The following SP140 variants were observed in gnomAD, a reference collection of about 807,000 sequenced individuals.
The protein encoded by SP140 is nuclear body protein SP140.
A neutral mutation model predicts 125.0 loss-of-function variants in SP140; 81 were observed. That is an observed-to-expected ratio of 0.65 (90% CI 0.54 to 0.78). The LOEUF (loss-of-function observed/expected upper bound fraction) is 0.78, where lower values mean the gene tolerates loss of function less well. Ranked by LOEUF, SP140 falls within the 30% of genes least tolerant of loss-of-function variation. The pLI is 0.00. For missense variants in SP140, 858 were observed against 1,037.0 expected (o/e 0.83, Z 2.37); for synonymous variants, 312 against 354.0 (o/e 0.88, Z 1.33).
chr2:230,312,852 T>G lies in SP140; in HGVS notation c.*168T>G. 1.8e-6 allele frequency: 1 copy of G among 542,470 alleles called. No individual in the cohort carries two copies. Among genetic ancestry groups the G allele is most frequent in the South Asian group, 1.8e-5 (1 of 54,158 alleles). The allele number at this position is 542,470 out of a possible 1,614,324, so 33.6% of individuals were successfully genotyped here. ...GACAAATCCTCAAAAGGAAATTCAA[T>G]CATCATGAATCACAACCCCAAGTAT... On this transcript the variant is annotated 3_prime_UTR_variant, in exon 27 of 27. Transcript: ENST00000392045.
chr2:230,202,466 G>A, upstream of SP140: 1 of 971,300 alleles, frequency 1.0e-6, no homozygotes, highest in Non-Finnish European at 1.6e-6. Flanking sequence ...CTCATTCTCT[G>A]TACTTTTTCC....
intron 4 of SP140, among the ~76,000 whole-genome samples, chr2:230,242,620 T>C (rs976740707): frequency 6.6e-6 from 1 of 152,170 alleles, no homozygotes; most frequent in African/African-American, 2.4e-5. Flanking sequence ...GAAAGCCACA[T>C]CTTCATTGCT....
chr2:230,239,706 C>T lies in SP140; in HGVS notation c.406+1325C>T, dbSNP rs565000591. 1.4e-4 allele frequency among the ~76,000 whole-genome samples: 21 copies of T among 152,364 alleles called. 1 individual carries two copies. The South Asian group carries it at 1.9e-3, about 14-fold the overall frequency. On this transcript the variant is annotated intron_variant, in intron 3 of 26. Transcript: ENST00000392045. Reference sequence around the variant, plus strand: ...TCAGGTGATCTGCCTGCCTTGGCTTCCCCAAATGCTGGGATTACAGACATG... The same window carrying T: ...TCAGGTGATCTGCCTGCCTTGGCTTTCCCAAATGCTGGGATTACAGACATG...
intron 1 of SP140, among the ~76,000 whole-genome samples, chr2:230,205,425 C>T (rs1463931048): frequency 6.6e-6 from 1 of 152,188 alleles, no homozygotes; most frequent in East Asian, 1.9e-4. Context: ...CCCACCCCAA[C>T]CTGCAAGTCA....
In SP140 at chr2:230,247,963, G is replaced by C; in HGVS notation, c.790G>C (p.Ala264Pro). The change falls in exon 8 of 27, where the codon GCA becomes CCA. Residue 264 changes from alanine (A) to proline (P), a missense_variant. Transcript: ENST00000392045. ...AGATGCGGCAAGGACATACAGCACA[G>C]CACCAGGGGAGAAACAGGGAGAGGA... ...MIDAARTYST[A>P]PGEKQGEEEG... 1 of 1,613,914 alleles carries C rather than the reference G, an allele frequency of 6.2e-7. No homozygotes were observed. The highest frequency in any genetic ancestry group is 8.5e-7 in the Non-Finnish European group (1 of 1,179,886).
intron 1 of SP140, among the ~76,000 whole-genome samples, chr2:230,233,696 AAAT>A (rs137953303): frequency 0.014 from 2,192 of 152,306 alleles, 42 homozygotes; most frequent in African/African-American, 0.04. Flanking sequence ...TTTTTATGAA[AAAT>A]AATAAAACTT....
intron 3 of SP140, 154 bp downstream of exon 3, chr2:230,238,535 C>T (rs577659569): frequency 1.2e-6 from 1 of 801,956 alleles, no homozygotes; most frequent in African/African-American, 1.7e-5. Flanking sequence ...ACACACATGT[C>T]CCATGTCCTT....
intron 1 of SP140, among the ~76,000 whole-genome samples, chr2:230,209,429 A>G (rs757200209): frequency 1.7e-4 from 26 of 152,142 alleles, no homozygotes; most frequent in Non-Finnish European, 3.2e-4. Context: ...ATTGGATGAT[A>G]TTGATGATGA....
intron 3 of SP140, chr2:230,216,793 C>G: frequency 6.2e-7 from 1 of 1,613,968 alleles, no homozygotes; most frequent in Non-Finnish European, 8.5e-7. Context: ...TGTACATTCT[C>G]TTAGTGATGA....
At chr2:230,222,221 T>G (rs568931597), upstream of SP140, among the ~76,000 whole-genome samples, 114 of 119,240 alleles carry the variant, frequency 9.6e-4, no homozygotes, top group African/African-American at 3.6e-3. Flanking sequence ...CAGAGTGAGA[T>G]CCCGCCTCAA....
At chr2:230,271,289 T>C (rs944427915) in intron 15 of SP140, among the ~76,000 whole-genome samples, 1 of 152,192 alleles carries the variant, frequency 6.6e-6, no homozygotes, top group Non-Finnish European at 1.5e-5. Flanking sequence ...CCTTTGGGAT[T>C]GGGCAATGGA....
intron 21 of SP140, among the ~76,000 whole-genome samples, chr2:230,294,953 C>T (rs1194730630): frequency 6.6e-6 from 1 of 152,186 alleles, no homozygotes; most frequent in Non-Finnish European, 1.5e-5. Flanking sequence ...GGAAGATCTC[C>T]AGAGGCAAAT....
intron 1 of SP140, 31 bp downstream of exon 1, chr2:230,225,934 T>C: frequency 6.3e-7 from 1 of 1,589,392 alleles, no homozygotes; most frequent in Non-Finnish European, 8.6e-7. Flanking sequence ...CCGTCTGTCC[T>C]TCATCTCTGG....
chr2:230,194,043 C>T, the SP140 span, among the ~76,000 whole-genome samples: 1 of 152,194 alleles, frequency 6.6e-6, no homozygotes, highest in South Asian at 2.1e-4. Context: ...GGGTGGGGAA[C>T]TAGGAAGAAG....
Position 230,211,502 on chromosome 2 carries a change from T to C in SP140, c.-322-2152T>C, listed in dbSNP as rs201442851. 99 of 1,611,366 alleles carry C rather than the reference T, an allele frequency of 6.1e-5. No homozygotes were observed. Among genetic ancestry groups the C allele is most frequent in the Non-Finnish European group, 7.6e-5 (89 of 1,177,588 alleles). On this transcript the variant is annotated intron_variant, in intron 1 of 4. Coordinates refer to the SP140 transcript ENST00000456542. This position sits in a 1 kb window ranked among gnomAD's most constrained non-coding sequence, Gnocchi z 4.2. The stretch of plus-strand genomic sequence containing the variant: ...AGAGCCCAAGGGAGAGTGGGGCATC[T>C]CTTGAGGGTCTTCTTTATCTCTTAT...
intron 26 of SP140, 65 bp from the exon 27 acceptor site, chr2:230,312,521 A>G: frequency 9.7e-7 from 1 of 1,031,986 alleles, no homozygotes; most frequent in Non-Finnish European, 1.5e-6. Context: ...GATCATTCTC[A>G]GTTGAAAGGT....
rs2057263875 is a variant in SP140 at position 230,292,660 on chromosome 2, T to C, written c.1840T>C (p.Cys614Arg). The C allele has an allele frequency of 6.2e-7, 1 of 1,613,988 alleles. No homozygotes were observed. Among genetic ancestry groups the C allele is most frequent in the Admixed American group, 1.7e-5 (1 of 60,006 alleles). ...TGGTCTTACAGGAATCTTGGTGAAG[T>C]GTATACAGACTGAGGATGGAAAATG... ...KKLQQGILVK[C>R]IQTEDGKWFT... Residue 614 changes from cysteine to arginine, a missense_variant, in exon 20 of 27, where the codon TGT becomes CGT. Physicochemically the swap from Cys to Arg is radical, Grantham distance 180. Transcript: ENST00000392045.
At chr2:230,238,839 C>T (rs1372393833) in intron 3 of SP140, 2 of 1,554,498 alleles carry the variant, frequency 1.3e-6, no homozygotes, top group Non-Finnish European at 8.7e-7. Context: ...GAGAGCCTAG[C>T]ACATACTGGT....
At chr2:230,293,985 A>G (rs2057411625) in intron 20 of SP140, among the ~76,000 whole-genome samples, 1 of 152,138 alleles carries the variant, frequency 6.6e-6, no homozygotes, top group Non-Finnish European at 1.5e-5. Context: ...GTGGGACTGG[A>G]AGAGAGGTGA....
Sources: allele counts gnomAD v4.1 joint callset (sites outside exome capture counted in the v4.1 genomes callset), GRCh38; gene constraint gnomAD v4.1.1; non-coding constraint Gnocchi (gnomAD v3.1); transcripts MANE v1.5; gene names NCBI Gene and HGNC (gene_info 2026-07-23, HGNC 2026-07-21).